Variants in BLVRA observed in about 807,000 individuals in gnomAD.
The protein encoded by BLVRA is biliverdin reductase A.
In BLVRA, 22 loss-of-function variants were observed where a neutral mutation model predicts 32.8. The ratio of observed to expected loss-of-function variants is 0.67; its 90% CI spans 0.48 to 0.96. The LOEUF is 0.96. Ranked by LOEUF, BLVRA falls within the 40% of genes least tolerant of loss-of-function variation. The probability of loss-of-function intolerance (pLI) is 0.00; values close to 1 mark genes in which losing one functional copy is unlikely to be tolerated. For missense variants in BLVRA, 323 were observed against 358.1 expected (o/e 0.90, Z 0.79); for synonymous variants, 119 against 141.3 (o/e 0.84, Z 1.12).
intron 5 of BLVRA, among the ~76,000 whole-genome samples, chr7:43,798,986 G>T (rs1307159389): frequency 6.6e-6 from 1 of 152,066 alleles, no homozygotes; most frequent in Non-Finnish European, 1.5e-5. Context: ...ACGGTGGGGT[G>T]GGGGGCAGTG....
intron 2 of BLVRA, among the ~76,000 whole-genome samples, chr7:43,773,048 C>T (rs1419939803): frequency 1.3e-5 from 2 of 152,152 alleles, no homozygotes; most frequent in African/African-American, 2.4e-5. Flanking sequence ...TCTTTCTCAT[C>T]GATATTTCAA....
intron 5 of BLVRA, among the ~76,000 whole-genome samples, chr7:43,798,226 A>AAAAAAAAAAT (rs1563550433): frequency 1.4e-5 from 2 of 141,602 alleles, no homozygotes; most frequent in African/African-American, 2.6e-5. Flanking sequence ...AAAAAAAAAA[A>AAAAAAAAAAT]GGAAACGATG....
chr7:43,794,642 G>A (rs1049009529), intron 5 of BLVRA, among the ~76,000 whole-genome samples: 1 of 152,044 alleles, frequency 6.6e-6, no homozygotes, highest in Non-Finnish European at 1.5e-5. Context: ...GGCTGAGGCA[G>A]CAGAATTGCT....
At chr7:43,795,178 T>C (rs1047756230) in intron 5 of BLVRA, among the ~76,000 whole-genome samples, 2 of 151,992 alleles carry the variant, frequency 1.3e-5, no homozygotes, top group African/African-American at 4.8e-5. Context: ...GGCATTGCAC[T>C]TTAGCCTGGG....
chr7:43,795,119 G>A (rs1042063092), intron 5 of BLVRA, among the ~76,000 whole-genome samples: 2 of 152,090 alleles, frequency 1.3e-5, no homozygotes, highest in African/African-American at 4.8e-5. Flanking sequence ...GCTAAGGCAC[G>A]AGAATCGCTT....
intron 7 of BLVRA, among the ~76,000 whole-genome samples, chr7:43,805,341 G>A (rs2095803023): frequency 3.3e-5 from 5 of 151,456 alleles, no homozygotes; most frequent in Admixed American, 3.3e-4. Context: ...GGAGTGCGGT[G>A]GTGTGATCTC....
Position 43,771,135 on chromosome 7 carries a change from C to T in BLVRA, c.-21-3C>T. On this transcript the variant is annotated splice_polypyrimidine_tract_variant and splice_region_variant and intron_variant, in intron 1 of 7. Coordinates refer to ENST00000265523, the MANE Select transcript of BLVRA (RefSeq NM_000712.4). The stretch of plus-strand genomic sequence containing the variant: ...ACCTGAACCTCTGCTTTTGTCTTTA[C>T]AGTGACCGAAGGAAGAGACCAAGAT... 3 of 1,614,040 alleles carry T rather than the reference C, an allele frequency of 1.9e-6. No individual in the cohort carries two copies. Among genetic ancestry groups the T allele is most frequent in the Non-Finnish European group, 2.5e-6 (3 of 1,179,878 alleles).
At chr7:43,785,441 T>C (rs1291250357) in intron 2 of BLVRA, among the ~76,000 whole-genome samples, 4 of 152,082 alleles carry the variant, frequency 2.6e-5, no homozygotes, top group Non-Finnish European at 4.4e-5. Flanking sequence ...CCTATACTCT[T>C]CCCTGACTTC....
chr7:43,772,772 G>T (rs1001915083), intron 2 of BLVRA, among the ~76,000 whole-genome samples: 4 of 152,162 alleles, frequency 2.6e-5, no homozygotes, highest in African/African-American at 9.7e-5. Context: ...ATCAGATCTC[G>T]TGAGAACTCA....
chr7:43,779,202 T>C (rs571069135), intron 2 of BLVRA, among the ~76,000 whole-genome samples: 2 of 152,358 alleles, frequency 1.3e-5, no homozygotes, highest in East Asian at 3.9e-4. Flanking sequence ...GTACCTCAGA[T>C]GGAAATGCAG....
intron 2 of BLVRA, among the ~76,000 whole-genome samples, chr7:43,776,514 T>G (rs1238821026): frequency 1.3e-5 from 2 of 152,232 alleles, no homozygotes; most frequent in African/African-American, 4.8e-5. Context: ...AGACAGTTTG[T>G]TATAATTTCT....
At chr7:43,796,496 G>A (rs1029296971) in intron 5 of BLVRA, among the ~76,000 whole-genome samples, 1 of 152,104 alleles carries the variant, frequency 6.6e-6, no homozygotes, top group Non-Finnish European at 1.5e-5. Context: ...AGGAAAACAG[G>A]ATATCCACAT....
intron 7 of BLVRA, among the ~76,000 whole-genome samples, chr7:43,805,889 A>G (rs532879546): frequency 9.2e-5 from 14 of 152,244 alleles, no homozygotes; most frequent in African/African-American, 2.9e-4. Context: ...TTATCTCACA[A>G]TGTCACAGCA....
chr7:43,765,098 G>T (rs895834735), intron 1 of BLVRA, among the ~76,000 whole-genome samples: 1 of 152,232 alleles, frequency 6.6e-6, no homozygotes, highest in Non-Finnish European at 1.5e-5. Flanking sequence ...AGTAGATACG[G>T]GGGGAGGAGA....
At chr7:43,771,276 G>A (rs1472492150) in intron 2 of BLVRA, 106 bp downstream of exon 2, 3 of 1,359,080 alleles carry the variant, frequency 2.2e-6, no homozygotes, top group African/African-American at 2.9e-5. Context: ...GCACAAACTT[G>A]AGAACATTTC....
At chr7:43,768,903 C>A (rs1159588707) in intron 1 of BLVRA, among the ~76,000 whole-genome samples, 1 of 151,774 alleles carries the variant, frequency 6.6e-6, no homozygotes, top group Non-Finnish European at 1.5e-5. Flanking sequence ...TGCGGGTCAG[C>A]TCTCAGTGTC....
chr7:43,789,015 C>T (rs1051801117), intron 3 of BLVRA, among the ~76,000 whole-genome samples: 9 of 151,980 alleles, frequency 5.9e-5, no homozygotes, highest in Admixed American at 3.3e-4. Context: ...CCCCCATGCT[C>T]AAATTTTCCA....
chr7:43,779,467 A>C (rs1260503802), intron 2 of BLVRA, among the ~76,000 whole-genome samples: 1 of 152,206 alleles, frequency 6.6e-6, no homozygotes, highest in Non-Finnish European at 1.5e-5. Flanking sequence ...AAATTTTATA[A>C]AAATTTATTT....
At chr7:43,767,248 A>G in intron 1 of BLVRA, 1 of 776,708 alleles carries the variant, frequency 1.3e-6, no homozygotes. Flanking sequence ...AAAGAAAAGC[A>G]AGTAGCCTGC....
Sources: gnomAD v4.1 joint callset for allele counts (sites outside exome capture counted in the v4.1 genomes callset) on GRCh38, gnomAD v4.1.1 for gene constraint, MANE v1.5 for transcripts, NCBI Gene and HGNC (gene_info 2026-07-23, HGNC 2026-07-21) for gene names.